The following SMC6 variants were observed in gnomAD, a reference collection of about 807,000 sequenced individuals.
SMC6 encodes the protein structural maintenance of chromosomes protein 6.
Under a neutral mutation model 142.2 loss-of-function variants are expected in SMC6, and 79 were observed. The observed-to-expected ratio is 0.56, with a 90% CI of 0.46 to 0.67. The LOEUF is 0.67. SMC6 is among the 30% of genes least tolerant of loss of function. The pLI is 0.00. For missense variants in SMC6, 1,072 were observed against 1,284.0 expected (o/e 0.83, Z 2.52); for synonymous variants, 411 against 412.4 (o/e 1.00, Z 0.04).
chr2:17,686,342 C>T (rs987280050), intron 23 of SMC6, among the ~76,000 whole-genome samples: 1 of 152,058 alleles, frequency 6.6e-6, no homozygotes, highest in Admixed American at 6.6e-5. Context: ...ATTAGCTGGG[C>T]ATGGTGGCAG....
chr2:17,731,916 A>C (rs950537238), intron 5 of SMC6, 39 bp from the exon 6 acceptor site: 2 of 1,595,776 alleles, frequency 1.3e-6, no homozygotes, highest in Non-Finnish European at 1.7e-6. Context: ...ATGAAGATAC[A>C]GTGTAATTAC....
chr2:17,747,712 C>T (rs1670824675), intron 2 of SMC6, among the ~76,000 whole-genome samples: 1 of 152,042 alleles, frequency 6.6e-6, no homozygotes, highest in South Asian at 2.1e-4. Context: ...CCATGTTGGC[C>T]AGGCTGATCT....
intron 18 of SMC6, among the ~76,000 whole-genome samples, chr2:17,705,895 A>G (rs1179987365): frequency 1.3e-5 from 2 of 152,092 alleles, no homozygotes; most frequent in African/African-American, 4.8e-5. Context: ...GGATGAATAC[A>G]TCTTTCCTGA....
intron 5 of SMC6, among the ~76,000 whole-genome samples, chr2:17,733,612 A>T (rs1158920073): frequency 6.6e-6 from 1 of 152,228 alleles, no homozygotes; most frequent in African/African-American, 2.4e-5. Context: ...AAAAGGTTTT[A>T]AAAAATCAAA....
At chr2:17,684,925 A>C (rs574717808) in intron 23 of SMC6, among the ~76,000 whole-genome samples, 3 of 152,210 alleles carry the variant, frequency 2.0e-5, no homozygotes, top group Non-Finnish European at 4.4e-5. Context: ...AAGAATAGAT[A>C]CACAAAAGAA....
chr2:17,692,792 T>C (rs1326289366), intron 23 of SMC6, among the ~76,000 whole-genome samples: 2 of 152,196 alleles, frequency 1.3e-5, no homozygotes, highest in African/African-American at 4.8e-5. Context: ...GAGAACGTTT[T>C]TGCAATCTAC....
intron 9 of SMC6, among the ~76,000 whole-genome samples, chr2:17,721,745 G>C (rs906123627): frequency 6.6e-6 from 1 of 150,544 alleles, no homozygotes; most frequent in African/African-American, 2.4e-5. Flanking sequence ...TACCAGGCTG[G>C]AGTGCAGTGG....
In SMC6 at chr2:17,721,078, A is replaced by G. The variant is rs756896625; in HGVS notation, c.847-40T>C. 2.5e-6 allele frequency: 4 copies of G among 1,612,540 alleles called. No homozygotes were observed. In the African/African-American group the frequency reaches 5.3e-5, roughly 22 times the overall value. Reference sequence around the variant, plus strand: ...ATATAGCAAATTGATCAGATTAACAATAATAACCAAATACATTCTGCATAT... The same window carrying G: ...ATATAGCAAATTGATCAGATTAACAGTAATAACCAAATACATTCTGCATAT... On this transcript the variant is annotated intron_variant, in intron 10 of 27. Coordinates refer to ENST00000448223, the MANE Select transcript of SMC6 (RefSeq NM_001142286.2).
intron 2 of SMC6, among the ~76,000 whole-genome samples, chr2:17,747,547 C>A (rs1366709442): frequency 3.3e-5 from 5 of 150,480 alleles, no homozygotes; most frequent in African/African-American, 1.2e-4. Flanking sequence ...GCTCTGTCTC[C>A]CAGGCTAGAG....
rs192610850 is a variant in SMC6, at chr2:17,685,848, T to C, written c.2679-2085A>G. 2.2e-3 allele frequency among the ~76,000 whole-genome samples: 334 copies of C among 151,762 alleles called. 1 individual carries two copies. Among genetic ancestry groups the C allele is most frequent in the African/African-American group, 7.8e-3 (325 of 41,408 alleles). On this transcript the variant is annotated intron_variant, in intron 23 of 27. Transcript: ENST00000448223. ...TATAAATGCAAATTCAACAAAGAAATCAAGAGAAAAATCTGCAATATTTGG... is the reference window on the plus strand; with the variant it reads ...TATAAATGCAAATTCAACAAAGAAACCAAGAGAAAAATCTGCAATATTTGG...
At chr2:17,678,591 G>C (rs1667411026) in intron 25 of SMC6, among the ~76,000 whole-genome samples, 1 of 143,164 alleles carries the variant, frequency 7.0e-6, no homozygotes, top group African/African-American at 2.6e-5. Context: ...AACATAGTGA[G>C]ACCTTGTCTA....
intron 24 of SMC6, chr2:17,682,071 A>G (rs1454752539): frequency 4.6e-5 from 7 of 152,188 alleles, no homozygotes; most frequent in Admixed American, 3.9e-4. Context: ...ATGTAGTAAT[A>G]GAGATTGGGT....
At chr2:17,716,371 C>T in intron 14 of SMC6, 107 bp from the exon 15 acceptor site, 1 of 997,144 alleles carries the variant, frequency 1.0e-6, no homozygotes, top group Non-Finnish European at 1.5e-6. Flanking sequence ...AGCTAGCTAC[C>T]CTAAAAACCA....
At chr2:17,666,659 T>C in intron 26 of SMC6, 142 bp from the exon 27 acceptor site, 1 of 646,546 alleles carries the variant, frequency 1.5e-6, no homozygotes, top group East Asian at 2.7e-5. Context: ...AAGAAATCTA[T>C]TATACTGGAA....
At chr2:17,698,184 C>A (rs543179982) in intron 21 of SMC6, among the ~76,000 whole-genome samples, 1 of 151,700 alleles carries the variant, frequency 6.6e-6, no homozygotes, top group South Asian at 2.1e-4. Flanking sequence ...CTTTATTAGG[C>A]GATGAAAATG....
chr2:17,692,681 C>T (rs1010832362), intron 23 of SMC6, among the ~76,000 whole-genome samples: 1 of 152,150 alleles, frequency 6.6e-6, no homozygotes, highest in East Asian at 1.9e-4. Flanking sequence ...AAAGCAATGG[C>T]AACAAAAGCC....
intron 23 of SMC6, 62 bp downstream of exon 23, chr2:17,695,089 AT>A (rs1667927922): frequency 6.3e-7 from 1 of 1,574,914 alleles, no homozygotes; most frequent in Non-Finnish European, 8.6e-7. Flanking sequence ...TATGTTTTTC[AT>A]TTTTTGTCTT....
At chr2:17,674,424 C>A (rs1666911294) in intron 25 of SMC6, among the ~76,000 whole-genome samples, 1 of 152,130 alleles carries the variant, frequency 6.6e-6, no homozygotes, top group Non-Finnish European at 1.5e-5. Flanking sequence ...TGACATCAAT[C>A]CTTTGAAATT....
chr2:17,706,363 T>C (rs991632606), intron 18 of SMC6, among the ~76,000 whole-genome samples: 3 of 152,186 alleles, frequency 2.0e-5, no homozygotes, highest in Non-Finnish European at 4.4e-5. Context: ...CATTCAACTT[T>C]TTCTATTGCT....
Sources: gnomAD v4.1 joint callset for allele counts (sites outside exome capture counted in the v4.1 genomes callset) on GRCh38, gnomAD v4.1.1 for gene constraint, MANE v1.5 for transcripts, NCBI Gene and HGNC (gene_info 2026-07-23, HGNC 2026-07-21) for gene names.